Variants in PDE1A observed in about 807,000 individuals in gnomAD.
The protein encoded by PDE1A is phosphodiesterase 1A.
Under a neutral mutation model 61.7 loss-of-function variants are expected in PDE1A, and 35 were observed. The ratio of observed to expected loss-of-function variants is 0.57; its 90% CI spans 0.43 to 0.75. The LOEUF is 0.75. Among genes scored for constraint, PDE1A ranks in the 30% least tolerant of loss-of-function variants. The pLI is 0.00. For synonymous variants in PDE1A, 232 were observed against 213.2 expected, an observed-to-expected ratio of 1.09 and a Z score of -0.77; for missense variants, 597 against 630.6, an observed-to-expected ratio of 0.95 and a Z score of 0.57.
rs564515861 is a variant in PDE1A, at chr2:182,181,310, C to T, written c.1516+4582G>A. The stretch of plus-strand genomic sequence containing the variant: ...TTTGTTGATGCTTTTGTTGTTGTTG[C>T]TTTCTGTTTGTTACTTTTTCTTCTA... On this transcript the variant is annotated intron_variant, in intron 13 of 13. Transcript: ENST00000351439. Among the ~76,000 whole-genome samples the T allele has an allele frequency of 1.2e-4, 19 of 152,216 alleles. No homozygotes were observed. In the South Asian group the frequency reaches 3.5e-3, roughly 28 times the overall value.
At chr2:182,713,071 G>A in the PDE1A span, among the ~76,000 whole-genome samples, 3 of 152,006 alleles carry the variant, frequency 2.0e-5, no homozygotes, top group Admixed American at 6.6e-5. Context: ...ATGCTCTTTT[G>A]AAGTACAAGA....
rs1048927221 is a variant in PDE1A, at chr2:182,236,321, T to C, written c.351-1823A>G. Among the ~76,000 whole-genome samples the C allele has an allele frequency of 4.0e-5, 6 of 151,852 alleles. No homozygotes were observed. The South Asian group carries it at 1.2e-3, about 32-fold the overall frequency. ...TCATACTATACAAGATCTAGAATAA[T>C]TACTATCAACAGTGATACTCAGGTG... On this transcript the variant is annotated intron_variant, in intron 3 of 13. Coordinates refer to ENST00000351439, the Ensembl canonical transcript of PDE1A.
chr2:182,701,884 T>A, the PDE1A span, among the ~76,000 whole-genome samples: 1 of 152,180 alleles, frequency 6.6e-6, no homozygotes, highest in African/African-American at 2.4e-5. Context: ...TCAATTTTAA[T>A]CATTGTTTAG....
intron 1 of PDE1A, among the ~76,000 whole-genome samples, chr2:182,297,507 G>A (rs1694965013): frequency 6.6e-6 from 1 of 152,138 alleles, no homozygotes; most frequent in Non-Finnish European, 1.5e-5. Context: ...CGTTCCCTAA[G>A]GACAAATGTG....
chr2:182,462,270 G>T (rs35809203), intron 2 of PDE1A, among the ~76,000 whole-genome samples: 2 of 151,576 alleles, frequency 1.3e-5, no homozygotes, highest in Admixed American at 6.6e-5. Context: ...AAACCTGCAC[G>T]TTGTGCACAT....
chr2:182,449,303 G>C (rs568039815), intron 2 of PDE1A, among the ~76,000 whole-genome samples: 1 of 150,360 alleles, frequency 6.7e-6, no homozygotes, highest in African/African-American at 2.4e-5. Context: ...AACAGAGAAA[G>C]AAAGAAAGAG....
At chr2:182,349,696 G>A (rs1055063657) in intron 1 of PDE1A, among the ~76,000 whole-genome samples, 1 of 152,094 alleles carries the variant, frequency 6.6e-6, no homozygotes, top group African/African-American at 2.4e-5. Context: ...GGAGGCGGAG[G>A]TTGCAGTGAG....
chr2:182,642,433 C>A, the PDE1A span, among the ~76,000 whole-genome samples: 1,467 of 152,226 alleles, frequency 9.6e-3, 25 homozygotes, highest in African/African-American at 0.033. Flanking sequence ...TCCCTAAGAC[C>A]ATGTGGATTA....
chr2:182,279,956 G>A (rs1425272636), intron 1 of PDE1A, among the ~76,000 whole-genome samples: 3 of 151,592 alleles, frequency 2.0e-5, no homozygotes, highest in South Asian at 2.1e-4. Flanking sequence ...CTCCTGTTAC[G>A]GTGAATAAGG....
intron 1 of PDE1A, among the ~76,000 whole-genome samples, chr2:182,280,840 CCTGA>C (rs1433914632): frequency 2.0e-5 from 3 of 151,468 alleles, no homozygotes; most frequent in Non-Finnish European, 1.5e-5. Flanking sequence ...TTTTTTGCTG[CCTGA>C]CTAAATTGGC....
At chr2:182,291,845 T>G (rs1487033453) in intron 1 of PDE1A, among the ~76,000 whole-genome samples, 1 of 152,156 alleles carries the variant, frequency 6.6e-6, no homozygotes, top group Non-Finnish European at 1.5e-5. Flanking sequence ...ATTCTGACAT[T>G]CAAAGAAAAT....
At chr2:182,598,991 G>A in the PDE1A span, among the ~76,000 whole-genome samples, 3 of 152,274 alleles carry the variant, frequency 2.0e-5, no homozygotes, top group African/African-American at 4.8e-5. Context: ...CTGCCATCAC[G>A]CTGGCTGCAG....
chr2:182,351,415 C>G (rs890277077), intron 1 of PDE1A, among the ~76,000 whole-genome samples: 3 of 152,158 alleles, frequency 2.0e-5, no homozygotes, highest in Non-Finnish European at 4.4e-5. Context: ...TAGAAGATAA[C>G]TACGAAAATT....
intron 2 of PDE1A, among the ~76,000 whole-genome samples, chr2:182,443,459 A>T (rs1233073881): frequency 3.3e-5 from 5 of 151,914 alleles, no homozygotes; most frequent in African/African-American, 1.2e-4. Context: ...TTATTTGATC[A>T]TGGGGGCGGA....
At chr2:182,355,410 A>T (rs1055275116) in intron 1 of PDE1A, among the ~76,000 whole-genome samples, 3 of 151,846 alleles carry the variant, frequency 2.0e-5, no homozygotes, top group Non-Finnish European at 2.9e-5. Context: ...TAATTTAAAA[A>T]TTTTAAATTT....
At chr2:182,507,134 A>G (rs935865255) in intron 2 of PDE1A, among the ~76,000 whole-genome samples, 1 of 152,196 alleles carries the variant, frequency 6.6e-6, no homozygotes, top group Non-Finnish European at 1.5e-5. Context: ...ATATTTACTA[A>G]TTGGCTATTA....
intron 13 of PDE1A, among the ~76,000 whole-genome samples, chr2:182,184,739 A>G (rs917403758): frequency 6.6e-6 from 1 of 152,146 alleles, no homozygotes; most frequent in Non-Finnish European, 1.5e-5. Flanking sequence ...TTAATGTGCT[A>G]TTTTTGGCTC....
Position 182,219,618 on chromosome 2 carries a change from C to T in PDE1A, c.776+4246G>A, listed in dbSNP as rs188570062. On this transcript the variant is annotated intron_variant, in intron 7 of 13. Coordinates refer to ENST00000351439, the Ensembl canonical transcript of PDE1A. ...ACCGAGGCTTCTCTCACTCTCCTAT[C>T]TCCTGGTAGATACTTAATGCTGTCA... Among the ~76,000 whole-genome samples the T allele has an allele frequency of 3.4e-3, 514 of 152,236 alleles. 2 individuals are homozygous for T. The highest frequency in any genetic ancestry group is 0.012 in the African/African-American group (500 of 41,560).
chr2:182,403,226 A>T (rs1702105258), intron 1 of PDE1A, among the ~76,000 whole-genome samples: 3 of 152,222 alleles, frequency 2.0e-5, no homozygotes, highest in Admixed American at 6.5e-5. Context: ...ATGCACACAT[A>T]TATTTATTGC....
Sources: allele counts gnomAD v4.1 joint callset (sites outside exome capture counted in the v4.1 genomes callset), GRCh38; gene constraint gnomAD v4.1.1; transcripts MANE v1.5; gene names NCBI Gene and HGNC (gene_info 2026-07-23, HGNC 2026-07-21).